AGBL1: variants seen among roughly 807,000 people sequenced by gnomAD.
AGBL1 encodes the protein cytosolic carboxypeptidase 4.
Under a neutral mutation model 118.9 loss-of-function variants are expected in AGBL1, and 130 were observed. The ratio of observed to expected loss-of-function variants is 1.09; its 90% CI spans 0.95 to 1.26. The LOEUF is 1.26. AGBL1 is among the 50% of genes most tolerant of loss of function. The pLI, the probability that AGBL1 is intolerant of heterozygous loss-of-function variation, is 0.00. For synonymous variants in AGBL1, 555 were observed against 478.9 expected (o/e 1.16, Z -2.08); for missense variants, 1,584 against 1,298.1 (o/e 1.22, Z -3.38).
intron 22 of AGBL1, among the ~76,000 whole-genome samples, chr15:86,880,771 A>G (rs1292822058): frequency 6.6e-6 from 1 of 152,004 alleles, no homozygotes; most frequent in African/African-American, 2.4e-5. Flanking sequence ...ATGTGTGTAT[A>G]TGCCTCTGTG....
At chr15:86,481,131 C>CAAA (rs61161857) in intron 18 of AGBL1, among the ~76,000 whole-genome samples, 1 of 133,710 alleles carries the variant, frequency 7.5e-6, no homozygotes, top group Non-Finnish European at 1.6e-5. Flanking sequence ...ACAATGAGAG[C>CAAA]AAAAAAAAAA....
At chr15:86,710,177 A>AC (rs1484389334) in intron 22 of AGBL1, among the ~76,000 whole-genome samples, 4 of 47,938 alleles carry the variant, frequency 8.3e-5, no homozygotes, top group Non-Finnish European at 9.2e-5. Flanking sequence ...TGCTGAACTT[A>AC]GAAAAAAATG....
intron 17 of AGBL1, among the ~76,000 whole-genome samples, chr15:86,367,236 C>A (rs1297003119): frequency 6.6e-6 from 1 of 151,986 alleles, no homozygotes; most frequent in Non-Finnish European, 1.5e-5. Context: ...TAAACAATGC[C>A]CTCAGAATTT....
intron 6 of AGBL1, among the ~76,000 whole-genome samples, chr15:86,228,089 G>A (rs1463889085): frequency 6.6e-6 from 1 of 152,170 alleles, no homozygotes; most frequent in East Asian, 1.9e-4. Context: ...GTTATAGATG[G>A]TACCAACATT....
At chr15:86,952,335 A>G (rs1394469715) in intron 23 of AGBL1, among the ~76,000 whole-genome samples, 1 of 151,972 alleles carries the variant, frequency 6.6e-6, no homozygotes, top group Non-Finnish European at 1.5e-5. Context: ...CTATTTGCTT[A>G]TTTATATTTA....
At chr15:86,216,127 T>C (rs1418289830) in intron 5 of AGBL1, among the ~76,000 whole-genome samples, 1 of 152,238 alleles carries the variant, frequency 6.6e-6, no homozygotes, top group Non-Finnish European at 1.5e-5. Flanking sequence ...AAAACTTGTT[T>C]ATTAGTTTTA....
At chr15:86,810,126 C>T (rs1032536921) in intron 22 of AGBL1, among the ~76,000 whole-genome samples, 1 of 152,078 alleles carries the variant, frequency 6.6e-6, no homozygotes, top group African/African-American at 2.4e-5. Flanking sequence ...TTTGTAAAAA[C>T]AAACAGCAAC....
chr15:86,790,139 T>C (rs1316465742), intron 22 of AGBL1, among the ~76,000 whole-genome samples: 1 of 152,172 alleles, frequency 6.6e-6, no homozygotes, highest in Non-Finnish European at 1.5e-5. Flanking sequence ...ATTTTGCACT[T>C]GGCAACCATT....
At chr15:86,937,312 A>G (rs968015518) in intron 23 of AGBL1, among the ~76,000 whole-genome samples, 3 of 152,212 alleles carry the variant, frequency 2.0e-5, no homozygotes, top group Non-Finnish European at 4.4e-5. Flanking sequence ...GCATATATCC[A>G]GAGGAATATA....
chr15:86,347,434 T>G (rs747441822), intron 17 of AGBL1, among the ~76,000 whole-genome samples: 5 of 152,204 alleles, frequency 3.3e-5, no homozygotes, highest in Non-Finnish European at 7.3e-5. Flanking sequence ...GAGCATGTTT[T>G]CCTGCAATGG....
chr15:86,586,474 T>C (rs568318256), intron 21 of AGBL1, among the ~76,000 whole-genome samples: 1 of 152,266 alleles, frequency 6.6e-6, no homozygotes, highest in Non-Finnish European at 1.5e-5. Context: ...GGGCAGAGAA[T>C]AGTCGAGTAA....
intron 22 of AGBL1, among the ~76,000 whole-genome samples, chr15:86,895,558 A>G (rs960716150): frequency 5.3e-5 from 8 of 152,080 alleles, no homozygotes; most frequent in Non-Finnish European, 1.2e-4. Flanking sequence ...TGAGTATAGA[A>G]TTGCAGTTTG....
Position 86,613,220 on chromosome 15 carries a change from A to T in AGBL1, c.2994+58683A>T, listed in dbSNP as rs1367604728. On this transcript the variant is annotated intron_variant, in intron 21 of 22. Transcript: ENST00000614907. The surrounding 1 kb of genome is among the most constrained non-coding windows in gnomAD (Gnocchi z 4.2). ...TACAGGTACCTTAAAGAAGAAAACA[A>T]ATTAAAGCAGGAATCGGAGCGAGAG... 6.6e-6 allele frequency among the ~76,000 whole-genome samples: 1 copy of T among 152,186 alleles called. No individual in the cohort carries two copies. The highest frequency in any genetic ancestry group is 2.4e-5 in the African/African-American group (1 of 41,458).
intron 17 of AGBL1, among the ~76,000 whole-genome samples, chr15:86,351,783 G>A (rs1216372135): frequency 6.6e-6 from 1 of 152,088 alleles, no homozygotes; most frequent in Admixed American, 6.6e-5. Flanking sequence ...CTGTCCTTCT[G>A]TTCACCTTCT....
chr15:86,176,133 T>G (rs1444299), intron 5 of AGBL1, among the ~76,000 whole-genome samples: 12 of 152,208 alleles, frequency 7.9e-5, no homozygotes, highest in South Asian at 4.1e-4. Context: ...AGTAAGGTCA[T>G]TGGTGGGTAG....
chr15:86,835,135 C>A (rs951630078), intron 22 of AGBL1, among the ~76,000 whole-genome samples: 2 of 152,008 alleles, frequency 1.3e-5, no homozygotes, highest in African/African-American at 4.8e-5. Flanking sequence ...GCTCTTTTTT[C>A]TGGGTAGTCC....
At chr15:86,457,619 A>G (rs138342201) in intron 18 of AGBL1, among the ~76,000 whole-genome samples, 15 of 152,324 alleles carry the variant, frequency 9.8e-5, no homozygotes, top group African/African-American at 3.6e-4. Flanking sequence ...AGAAAGATTT[A>G]AGACCAAATA....
chr15:86,170,147 A>G (rs2077394563), intron 5 of AGBL1, among the ~76,000 whole-genome samples: 1 of 152,238 alleles, frequency 6.6e-6, no homozygotes, highest in Non-Finnish European at 1.5e-5. Flanking sequence ...CATGTTCAAA[A>G]ATTAAGTAAT....
intron 22 of AGBL1, among the ~76,000 whole-genome samples, chr15:86,819,925 TACTG>T (rs1270648588): frequency 6.6e-6 from 1 of 152,170 alleles, no homozygotes; most frequent in African/African-American, 2.4e-5. Flanking sequence ...AACAGCATGG[TACTG>T]GTACCAAAAC....
Sources: allele counts gnomAD v4.1 joint callset (sites outside exome capture counted in the v4.1 genomes callset), GRCh38; gene constraint gnomAD v4.1.1; non-coding constraint Gnocchi (gnomAD v3.1); transcripts MANE v1.5; gene names NCBI Gene and HGNC (gene_info 2026-07-23, HGNC 2026-07-21).